Variants in ARFGEF1 observed in about 807,000 individuals in gnomAD.
The protein encoded by ARFGEF1 is ARF guanine nucleotide exchange factor 1.
Under a neutral mutation model 231.0 loss-of-function variants are expected in ARFGEF1, and 42 were observed. That is an observed-to-expected ratio of 0.18 (90% confidence interval 0.14 to 0.24). The LOEUF is 0.24. Among genes scored for constraint, ARFGEF1 ranks in the 10% least tolerant of loss-of-function variants. ARFGEF1 has a pLI of 1.00. For synonymous variants in ARFGEF1, 710 were observed against 732.3 expected, an observed-to-expected ratio of 0.97 and a Z score of 0.49; for missense variants, 1,345 against 2,192.0, an observed-to-expected ratio of 0.61 and a Z score of 7.72.
chr8:67,270,405 T>G lies in ARFGEF1; in HGVS notation c.1572+1297A>C, dbSNP rs111283446. On this transcript the variant is annotated intron_variant, in intron 10 of 38. Coordinates refer to ENST00000262215, the MANE Select transcript of ARFGEF1 (RefSeq NM_006421.5). ...TTAACATTAAAGGATAATATGACTA[T>G]TTTAGCCATTTCGAAATTCTGGAAA... is the stretch of plus-strand genomic sequence containing the variant. Among the ~76,000 whole-genome samples, 302 of 152,302 alleles carry G rather than the reference T, an allele frequency of 2.0e-3. 4 individuals carry two copies. The highest frequency in any genetic ancestry group is 6.9e-3 in the African/African-American group (287 of 41,564).
chr8:67,300,801 G>A (rs1213494382), intron 3 of ARFGEF1, among the ~76,000 whole-genome samples: 1 of 150,762 alleles, frequency 6.6e-6, no homozygotes, highest in African/African-American at 2.4e-5. Flanking sequence ...CCAAGATTAC[G>A]CCACTGCACT....
intron 7 of ARFGEF1, among the ~76,000 whole-genome samples, chr8:67,279,244 T>C (rs1805437318): frequency 6.6e-6 from 1 of 152,154 alleles, no homozygotes; most frequent in Admixed American, 6.5e-5. Context: ...CTGCACCCAA[T>C]TACATCTCTT....
rs184879619 is a variant in ARFGEF1 at position 67,321,750 on chromosome 8, A to G, written c.125-19284T>C. 3.8e-3 allele frequency among the ~76,000 whole-genome samples: 581 copies of G among 152,250 alleles called. 1 individual carries two copies. The highest frequency in any genetic ancestry group is 0.02 in the Middle Eastern group (6 of 294). ...GCTGGGATTACAGGCATGAGCCACC[A>G]CACCCGGCCGAGAACTTCTGTTTTA... On this transcript the variant is annotated intron_variant, in intron 1 of 38. Transcript: ENST00000262215.
intron 18 of ARFGEF1, among the ~76,000 whole-genome samples, chr8:67,252,952 G>C (rs897568728): frequency 3.9e-5 from 6 of 152,138 alleles, no homozygotes; most frequent in African/African-American, 1.4e-4. Flanking sequence ...AAAATGACAA[G>C]GGTTGAAGCC....
At chr8:67,195,700 TC>T (rs1006314875), downstream of ARFGEF1, 2 of 796,536 alleles carry the variant, frequency 2.5e-6, no homozygotes, top group African/African-American at 3.5e-5. Flanking sequence ...TTACTTTTTT[TC>T]CATCATCTGT....
chr8:67,294,221 T>C (rs1806133599), intron 5 of ARFGEF1, among the ~76,000 whole-genome samples: 3 of 152,118 alleles, frequency 2.0e-5, no homozygotes, highest in Non-Finnish European at 4.4e-5. Context: ...AAAACAGACT[T>C]GAGTATCCAC....
At chr8:67,235,081 T>C (rs1006739962) in intron 22 of ARFGEF1, among the ~76,000 whole-genome samples, 1 of 145,866 alleles carries the variant, frequency 6.9e-6, no homozygotes, top group South Asian at 2.1e-4. Context: ...TATATATATA[T>C]ATATGTGTGT....
At chr8:67,256,371 AG>A (rs1293108921) in intron 17 of ARFGEF1, among the ~76,000 whole-genome samples, 1 of 152,336 alleles carries the variant, frequency 6.6e-6, no homozygotes, top group African/African-American at 2.4e-5. Flanking sequence ...TTAAAACAGG[AG>A]TAACTTCACA....
At chr8:67,277,205 T>A in intron 8 of ARFGEF1, 77 bp downstream of exon 8, 1 of 1,407,012 alleles carries the variant, frequency 7.1e-7, no homozygotes, top group Non-Finnish European at 9.7e-7. Context: ...CTGAAAATAC[T>A]CATGACAAGG....
intron 5 of ARFGEF1, among the ~76,000 whole-genome samples, chr8:67,295,723 C>G (rs917603652): frequency 6.6e-6 from 1 of 152,124 alleles, no homozygotes; most frequent in Non-Finnish European, 1.5e-5. Flanking sequence ...TGGTGAAATT[C>G]AAGCAGGGTC....
intron 22 of ARFGEF1, among the ~76,000 whole-genome samples, chr8:67,233,775 C>T (rs1839628789): frequency 6.6e-6 from 1 of 151,974 alleles, no homozygotes; most frequent in African/African-American, 2.4e-5. Context: ...AAACTCTTTA[C>T]CCTAGCATTT....
chr8:67,203,431 A>G (rs2305672), intron 35 of ARFGEF1, among the ~76,000 whole-genome samples, 180 bp from the exon 36 acceptor site: 18,948 of 151,762 alleles, frequency 0.12, 2,323 homozygotes, highest in African/African-American at 0.32. Context: ...CCCAAGCACC[A>G]CCTCCCATTA....
chr8:67,182,621 C>T (rs1224830259), intron 5 of ARFGEF1, among the ~76,000 whole-genome samples: 1 of 152,186 alleles, frequency 6.6e-6, no homozygotes, highest in Non-Finnish European at 1.5e-5. Flanking sequence ...ACAAAAGTTC[C>T]GATTTCTCTA....
downstream of ARFGEF1, chr8:67,175,396 G>A (rs1200198598): frequency 7.4e-6 from 12 of 1,614,064 alleles, no homozygotes; most frequent in Admixed American, 1.8e-4. Flanking sequence ...GAGAGCAGCA[G>A]AAGAGGCTGA....
rs770640928 is a variant in ARFGEF1 at position 67,228,136 on chromosome 8, T to C, written c.3422-4A>G. On this transcript the variant is annotated splice_region_variant and splice_polypyrimidine_tract_variant and intron_variant, in intron 24 of 38. Transcript: ENST00000262215. The stretch of plus-strand genomic sequence containing the variant: ...CAGAGCCAACGGACAAAATCCACTG[T>C]AATATAAATACATTTTTTTTTTAGC... 1 of 1,609,784 alleles carries C rather than the reference T, an allele frequency of 6.2e-7. No individual in the cohort carries two copies. Among genetic ancestry groups the C allele is most frequent in the Non-Finnish European group, 8.5e-7 (1 of 1,178,552 alleles).
intron 2 of ARFGEF1, 119 bp from the exon 3 acceptor site, chr8:67,301,499 T>C: frequency 9.2e-7 from 1 of 1,086,074 alleles, no homozygotes; most frequent in Non-Finnish European, 1.3e-6. Context: ...GTCCTCTATC[T>C]TCCCATATTT....
At position 67,257,803 on chromosome 8, in the gene ARFGEF1, CAA is replaced by C; in HGVS notation, c.2453_2454del (p.Phe818CysfsTer2). On this transcript the variant is annotated frameshift_variant, in exon 17 of 39. Transcript: ENST00000262215. LOFTEE classifies it high-confidence loss of function. ...AAAACATAAGCTGTATCCGCACTAG[CAA>C]AGAGAGTTTGTCTGGAAAAATAAAT... Reference protein sequence around the residue: ...YLECNQGQTLFASADTAYVLA... With the variant: ...YLECNQGQTLXASADTAYVLA... 6.2e-7 allele frequency: 1 copy of C among 1,606,824 alleles called. No individual in the cohort carries two copies. Among genetic ancestry groups the C allele is most frequent in the Non-Finnish European group, 8.5e-7 (1 of 1,178,200 alleles).
At chr8:67,339,807 T>C (rs1225550875) in intron 1 of ARFGEF1, among the ~76,000 whole-genome samples, 1 of 29,348 alleles carries the variant, frequency 3.4e-5, no homozygotes, top group African/African-American at 1.3e-4. Flanking sequence ...GGGGGGGGGA[T>C]TCTTTCTTTT....
intron 1 of ARFGEF1, among the ~76,000 whole-genome samples, chr8:67,320,173 G>T (rs916657132): frequency 2.2e-5 from 3 of 136,920 alleles, no homozygotes; most frequent in Non-Finnish European, 1.5e-5. Context: ...GCAGTGAGCC[G>T]AGATCGCACC....
Sources: gnomAD v4.1 joint callset for allele counts (sites outside exome capture counted in the v4.1 genomes callset) on GRCh38, gnomAD v4.1.1 for gene constraint, MANE v1.5 for transcripts, NCBI Gene and HGNC (gene_info 2026-07-23, HGNC 2026-07-21) for gene names.